The following NLRP2 variants were observed in gnomAD, a reference collection of about 807,000 sequenced individuals.
NLRP2 encodes NLR family pyrin domain containing 2.
NLRP2 carries 107 observed loss-of-function variants against 97.2 expected under a neutral mutation model. The observed-to-expected ratio is 1.10, with a 90% CI of 0.94 to 1.29. NLRP2 has a LOEUF of 1.29. Ranked by LOEUF, NLRP2 falls within the 50% of genes most tolerant of loss-of-function variation. The pLI is 0.00. For missense variants in NLRP2, 1,495 were observed against 1,330.3 expected, an observed-to-expected ratio of 1.12 and a Z score of -1.93; for synonymous variants, 663 against 551.5, an observed-to-expected ratio of 1.20 and a Z score of -2.83.
chr19:54,982,377 A>C lies in NLRP2; in HGVS notation c.679A>C (p.Met227Leu), dbSNP rs73607913. 557 of 1,614,098 alleles carry C rather than the reference A, an allele frequency of 3.5e-4. No individual in the cohort carries two copies. The African/African-American group carries it at 6.6e-3, about 19-fold the overall frequency. ...GAAAACCACGCTGGCCCAGAAACTA[A>C]TGCTAGACTGGGCAGAGGACAACCT... ...LGKTTLAQKL[M>L]LDWAEDNLIH... The change falls in exon 6 of 13, where the codon ATG becomes CTG. Residue 227 changes from methionine (M) to leucine (L), a missense_variant. Transcript: ENST00000448584.
intron 2 of NLRP2, among the ~76,000 whole-genome samples, chr19:54,971,086 C>G (rs991909054): frequency 6.8e-6 from 1 of 146,710 alleles, no homozygotes; most frequent in Non-Finnish European, 1.5e-5. Flanking sequence ...GTTTTTTGTT[C>G]TTGTGATAGT....
intron 8 of NLRP2, among the ~76,000 whole-genome samples, chr19:54,988,660 C>T (rs2072255750): frequency 6.6e-6 from 1 of 152,066 alleles, no homozygotes; most frequent in African/African-American, 2.4e-5. Flanking sequence ...GCTGGGATTA[C>T]AGCCATGTGC....
At chr19:54,967,464 AAG>A (rs1225409023) in intron 1 of NLRP2, among the ~76,000 whole-genome samples, 1 of 152,180 alleles carries the variant, frequency 6.6e-6, no homozygotes, top group African/African-American at 2.4e-5. Context: ...CCTGCGCAGC[AAG>A]AGAGAAACTG....
Position 54,992,915 on chromosome 19 carries a change from T to C in NLRP2, c.2709-1354T>C, listed in dbSNP as rs532147335. On this transcript the variant is annotated intron_variant, in intron 10 of 12. Transcript: ENST00000448584. ...TTTTGCTAAGTTGTCAACTTCCCTT[T>C]AGTCTTATGTGGGTTTTCCTCCATT... Among the ~76,000 whole-genome samples, 107 of 152,156 alleles carry C rather than the reference T, an allele frequency of 7.0e-4. 1 individual carries two copies. Among genetic ancestry groups the C allele is most frequent in the African/African-American group, 2.2e-3 (90 of 41,528 alleles).
rs4306647 is a variant in NLRP2, at chr19:54,982,789, G to A, written c.1091G>A (p.Arg364Lys). Residue 364 changes from arginine (R) to lysine (K), a missense_variant, in exon 6 of 13, where the codon AGG (arginine) becomes AAG (lysine). Physicochemically the swap from Arg to Lys is conservative, Grantham distance 26. Coordinates refer to ENST00000448584, the MANE Select transcript of NLRP2 (RefSeq NM_017852.5). ...IRVEGFLEED[R>K]RAYFLRHFGD... ...GTGGAGGGCTTCCTGGAGGAGGACA[G>A]GAGGGCCTATTTCCTGAGACACTTT... 0.065 allele frequency: 104,210 copies of A among 1,613,766 alleles called. 5,532 individuals carry two copies. Among genetic ancestry groups the A allele is most frequent in the East Asian group, 0.22 (10,058 of 44,842 alleles).
chr19:54,990,448 G>C (rs1332304061), intron 9 of NLRP2, 54 bp from the exon 10 acceptor site: 3 of 1,580,442 alleles, frequency 1.9e-6, no homozygotes, highest in Non-Finnish European at 2.6e-6. Flanking sequence ...GAGCTAGCCG[G>C]GAAGGTTGAA....
chr19:54,970,280 A>G lies in NLRP2; in HGVS notation c.265A>G (p.Lys89Glu). The G allele has an allele frequency of 6.2e-7, 1 of 1,614,134 alleles. No homozygotes were observed. Among genetic ancestry groups the G allele is most frequent in the Non-Finnish European group, 8.5e-7 (1 of 1,180,006 alleles). ...CCGAATGGATCTGTCTGAGAGAGCA[A>G]AGGATGAAGTCAGAGGTGAGTGGAA... ...MHRMDLSERA[K>E]DEVREAALKS... The change falls in exon 2 of 13, where the codon AAG (lysine) becomes GAG (glutamate). Residue 89 changes from lysine (K) to glutamate (E), a missense_variant. Transcript: ENST00000448584.
At chr19:54,987,755 A>AAAT (rs1251582478) in intron 8 of NLRP2, among the ~76,000 whole-genome samples, 1 of 150,862 alleles carries the variant, frequency 6.6e-6, no homozygotes, top group African/African-American at 2.4e-5. Flanking sequence ...AAAAAAAAAA[A>AAAT]ATCTTGGCTG....
rs763517555 is a variant in NLRP2 at position 54,983,014 on chromosome 19, A to G, written c.1316A>G (p.Gln439Arg). The stretch of plus-strand genomic sequence containing the variant: ...CGTTTCCTCTGCAGCCGGTTCCCGC[A>G]GGGCGCACAGCTGCGGGGCGCGCTG... ...FLRFLCSRFP[Q>R]GAQLRGALRT... The change falls in exon 6 of 13, where the codon CAG becomes CGG. Residue 439 changes from glutamine to arginine, a missense_variant. Coordinates refer to ENST00000448584, the MANE Select transcript of NLRP2 (RefSeq NM_017852.5). 8.7e-6 allele frequency: 14 copies of G among 1,610,636 alleles called. No homozygotes were observed. The South Asian group carries it at 9.9e-5, about 11-fold the overall frequency.
chr19:54,997,179 A>G (rs1260230059), intron 11 of NLRP2, 138 bp from the exon 12 acceptor site: 6 of 855,476 alleles, frequency 7.0e-6, no homozygotes, highest in Non-Finnish European at 5.9e-6. Context: ...TGCTGGGATT[A>G]CAGGCGTGAA....
chr19:54,997,235 A>C (rs1186787638), intron 11 of NLRP2, 82 bp from the exon 12 acceptor site: 1 of 1,424,436 alleles, frequency 7.0e-7, no homozygotes, highest in Admixed American at 1.7e-5. Flanking sequence ...CAGATCCCCA[A>C]CACACGAGGG....
At chr19:54,989,074 C>T (rs1402457442) in intron 8 of NLRP2, among the ~76,000 whole-genome samples, 1 of 152,016 alleles carries the variant, frequency 6.6e-6, no homozygotes, top group Admixed American at 6.5e-5. Context: ...TCTCTTGCCT[C>T]AGCCTCCTGA....
chr19:54,997,507 C>T lies in NLRP2; in HGVS notation c.3050+20C>T. On this transcript the variant is annotated intron_variant, in intron 12 of 12. Transcript: ENST00000448584. ...ACTCAGGTATGATCCATTTACTTCC[C>T]CATCAGGCTTTCTCCAGAGTGGTAG... 5 of 1,613,830 alleles carry T rather than the reference C, an allele frequency of 3.1e-6. No homozygotes were observed. Among genetic ancestry groups the T allele is most frequent in the Non-Finnish European group, 4.2e-6 (5 of 1,179,736 alleles).
intron 4 of NLRP2, among the ~76,000 whole-genome samples, chr19:54,979,669 A>T (rs1182138830): frequency 2.0e-5 from 3 of 152,104 alleles, no homozygotes; most frequent in African/African-American, 4.8e-5. Context: ...CTTTTGATAC[A>T]GCAAGTATTT....
chr19:54,982,141 CCCT>C lies in NLRP2; in HGVS notation c.464-16_464-14del, dbSNP rs1568491733. 3.7e-6 allele frequency: 6 copies of C among 1,613,660 alleles called. No homozygotes were observed. Among genetic ancestry groups the C allele is most frequent in the Admixed American group, 3.3e-5 (2 of 59,978 alleles). Reference sequence around the variant, plus strand: ...TAACTGATTGCATCCTCTCTCCCTTCCCTCCTCACCAATGATAAAGACAAAGAC... The same window carrying C: ...TAACTGATTGCATCCTCTCTCCCTTCCCTCACCAATGATAAAGACAAAGAC... On this transcript the variant is annotated intron_variant, in intron 5 of 12. Transcript: ENST00000448584.
intron 11 of NLRP2, 94 bp downstream of exon 11, chr19:54,994,533 T>C (rs374095762): frequency 1.9e-5 from 25 of 1,331,670 alleles, no homozygotes; most frequent in East Asian, 1.2e-4. Context: ...TCCCAAGTTA[T>C]ATAATTGAGA....
intron 8 of NLRP2, chr19:54,989,774 G>A (rs2072333843): frequency 3.5e-6 from 2 of 571,736 alleles, no homozygotes; most frequent in South Asian, 2.0e-5. Context: ...ACCTGAGATT[G>A]GGAGTTTGAG....
At chr19:54,972,064 G>C (rs986307752) in intron 2 of NLRP2, among the ~76,000 whole-genome samples, 1 of 146,118 alleles carries the variant, frequency 6.8e-6, no homozygotes, top group Non-Finnish European at 1.5e-5. Flanking sequence ...GGATAGTCTC[G>C]ATGTCGTGAC....
chr19:54,983,827 C>T (rs1240159235), intron 6 of NLRP2, 99 bp downstream of exon 6: 3 of 1,473,068 alleles, frequency 2.0e-6, no homozygotes, highest in Non-Finnish European at 2.8e-6. Flanking sequence ...GGCTTAGGGT[C>T]AGGAATTCCC....
Sources: gnomAD v4.1 joint callset for allele counts (sites outside exome capture counted in the v4.1 genomes callset) on GRCh38, gnomAD v4.1.1 for gene constraint, MANE v1.5 for transcripts, NCBI Gene and HGNC (gene_info 2026-07-23, HGNC 2026-07-21) for gene names.